CCDC7: variants seen among roughly 807,000 people sequenced by gnomAD.
CCDC7 encodes coiled-coil domain-containing protein 7.
CCDC7 carries 183 observed loss-of-function variants against 196.9 expected under a neutral mutation model. That is an observed-to-expected ratio of 0.93 (90% confidence interval 0.82 to 1.05). The LOEUF (loss-of-function observed/expected upper bound fraction) is 1.05. CCDC7 is among the 50% of genes least tolerant of loss of function. CCDC7 has a pLI of 0.00. For missense variants in CCDC7, 1,540 were observed against 1,482.2 expected, an observed-to-expected ratio of 1.04 and a Z score of -0.64; for synonymous variants, 525 against 484.6, an observed-to-expected ratio of 1.08 and a Z score of -1.10.
intron 2 of CCDC7, among the ~76,000 whole-genome samples, 174 bp downstream of exon 3, chr10:32,453,610 C>G (rs570106151): frequency 2.0e-5 from 3 of 152,288 alleles, no homozygotes; most frequent in African/African-American, 7.2e-5. Flanking sequence ...CCAAATCCCT[C>G]TTGACCTGAA....
intron 28 of CCDC7, among the ~76,000 whole-genome samples, chr10:32,753,795 A>G (rs890998307): frequency 4.6e-5 from 7 of 152,166 alleles, no homozygotes; most frequent in African/African-American, 1.7e-4. Flanking sequence ...ATGTTCCTCA[A>G]TTTCAGATTT....
intron 41 of CCDC7, among the ~76,000 whole-genome samples, chr10:32,860,904 T>C (rs539942601): frequency 1.3e-5 from 2 of 151,662 alleles, no homozygotes; most frequent in South Asian, 2.1e-4. Flanking sequence ...CTCAAGGAAA[T>C]AAGAGAGAAC....
chr10:32,659,598 C>T (rs1234162704), intron 20 of CCDC7, among the ~76,000 whole-genome samples: 9 of 151,920 alleles, frequency 5.9e-5, no homozygotes, highest in South Asian at 2.1e-4. Context: ...AGCATCTATA[C>T]GAAACTAAAA....
At chr10:32,549,198 A>G (rs1057270763) in intron 13 of CCDC7, among the ~76,000 whole-genome samples, 7 of 152,062 alleles carry the variant, frequency 4.6e-5, no homozygotes, top group African/African-American at 1.7e-4. Flanking sequence ...TTTGTTAGCC[A>G]TTTGTATATC....
intron 25 of CCDC7, among the ~76,000 whole-genome samples, chr10:32,725,697 T>C (rs1431673096): frequency 1.3e-5 from 2 of 152,026 alleles, no homozygotes; most frequent in Non-Finnish European, 2.9e-5. Context: ...GGAACCAGCA[T>C]GTCACATGGC....
chr10:32,844,675 G>A (rs928735283), intron 33 of CCDC7, among the ~76,000 whole-genome samples: 4 of 151,760 alleles, frequency 2.6e-5, no homozygotes, highest in Non-Finnish European at 5.9e-5. Flanking sequence ...CAGTGGTTAA[G>A]GAATTATAAA....
intron 11 of CCDC7, among the ~76,000 whole-genome samples, chr10:32,522,359 G>T (rs966403220): frequency 1.3e-5 from 2 of 151,924 alleles, no homozygotes; most frequent in African/African-American, 4.8e-5. Context: ...ACTTTTTGTT[G>T]GTCAGTTCAG....
At chr10:32,455,673 G>A (rs1318022749) in intron 2 of CCDC7, among the ~76,000 whole-genome samples, 1 of 152,182 alleles carries the variant, frequency 6.6e-6, no homozygotes, top group Admixed American at 6.5e-5. Context: ...ACCACTCTAT[G>A]AAAATCCTAA....
At chr10:32,607,476 A>G (rs11813919) in intron 18 of CCDC7, among the ~76,000 whole-genome samples, 8,088 of 152,218 alleles carry the variant, frequency 0.053, 716 homozygotes, top group African/African-American at 0.18. Flanking sequence ...TGTCATATGT[A>G]GCATTTATTG....
At chr10:32,567,632 A>C (rs544012930) in intron 14 of CCDC7, 38 bp from the exon 16 acceptor site, 4 of 1,560,982 alleles carry the variant, frequency 2.6e-6, no homozygotes, top group Non-Finnish European at 8.6e-7. Context: ...GGAAAATATC[A>C]GAAAATGCTT....
At chr10:32,660,124 TC>T (rs2070955633) in intron 20 of CCDC7, among the ~76,000 whole-genome samples, 1 of 151,930 alleles carries the variant, frequency 6.6e-6, no homozygotes. Context: ...CTTTTTTTTT[TC>T]TTTTTTTTTA....
chr10:32,830,340 C>T lies in CCDC7; in HGVS notation c.3269-4475C>T, dbSNP rs1159824517. Among the ~76,000 whole-genome samples the T allele has an allele frequency of 2.0e-5, 3 of 149,770 alleles. No homozygotes were observed. In the Admixed American group the frequency reaches 2.0e-4, roughly 10 times the overall value. On this transcript the variant is annotated intron_variant, in intron 32 of 41. Transcript: ENST00000639629. ...AACAAGAAATCCATATGGAGGTTTG[C>T]TATCTAAAAAGCCCAATTTTAGCAA...
intron 20 of CCDC7, among the ~76,000 whole-genome samples, chr10:32,645,213 A>G (rs905663584): frequency 3.3e-5 from 5 of 152,204 alleles, no homozygotes; most frequent in African/African-American, 7.2e-5. Context: ...TCTTTCAAGG[A>G]TATGGAGAAA....
chr10:32,709,210 C>G (rs1037937201), intron 24 of CCDC7, among the ~76,000 whole-genome samples: 5 of 151,122 alleles, frequency 3.3e-5, no homozygotes, highest in African/African-American at 1.2e-4. Context: ...TCTCAGCAAA[C>G]TATCGCAAGG....
intron 40 of CCDC7, among the ~76,000 whole-genome samples, chr10:32,852,509 G>A (rs1317226291): frequency 2.0e-5 from 3 of 152,036 alleles, no homozygotes; most frequent in Non-Finnish European, 4.4e-5. Context: ...TATAAACGGA[G>A]TCTTGCTCTG....
chr10:32,474,207 ATTCTTTT>A (rs2038519235), intron 8 of CCDC7, among the ~76,000 whole-genome samples, 184 bp downstream of exon 9: 1 of 106,990 alleles, frequency 9.3e-6, no homozygotes, highest in Non-Finnish European at 1.9e-5. Flanking sequence ...CTGAAACTAG[ATTCTTTT>A]TTTTTTTTTT....
At chr10:32,726,058 T>G (rs1239481147) in intron 25 of CCDC7, among the ~76,000 whole-genome samples, 1 of 152,160 alleles carries the variant, frequency 6.6e-6, no homozygotes, top group Non-Finnish European at 1.5e-5. Flanking sequence ...CAAACTACAG[T>G]GTTTTCTTGC....
chr10:32,819,157 G>C (rs563090084), intron 31 of CCDC7, among the ~76,000 whole-genome samples: 2 of 151,986 alleles, frequency 1.3e-5, no homozygotes, highest in South Asian at 2.1e-4. Context: ...CACAGAAATA[G>C]AAACTACCAT....
intron 20 of CCDC7, among the ~76,000 whole-genome samples, chr10:32,652,857 T>C (rs2140190229): frequency 6.6e-6 from 1 of 152,308 alleles, no homozygotes; most frequent in South Asian, 2.1e-4. Flanking sequence ...AGTATTAGAG[T>C]ATTCTGAATT....
Sources: allele counts gnomAD v4.1 joint callset (sites outside exome capture counted in the v4.1 genomes callset), GRCh38; gene constraint gnomAD v4.1.1; transcripts MANE v1.5; gene names NCBI Gene and HGNC (gene_info 2026-07-23, HGNC 2026-07-21).